CIMAP1A: variants seen among roughly 807,000 people sequenced by gnomAD.
The protein encoded by CIMAP1A is cancer/testis antigen 135.
chr11:199,764 T>C, the CIMAP1A span: 1 of 1,437,696 alleles, frequency 7.0e-7, no homozygotes, highest in Non-Finnish European at 9.1e-7. Flanking sequence ...GACCCTGCCC[T>C]TTTCCCTAGA....
the CIMAP1A span, chr11:199,925 A>T: frequency 6.2e-7 from 1 of 1,613,502 alleles, no homozygotes; most frequent in East Asian, 2.2e-5. Flanking sequence ...GGTTCCTATC[A>T]TAGCCCCTCC....
At chr11:197,373 C>T in the CIMAP1A span, 1 of 1,599,388 alleles carries the variant, frequency 6.3e-7, no homozygotes. Flanking sequence ...TGGCCCTCTA[C>T]AGCAGCCCTG....
At chr11:198,357 T>C in the CIMAP1A span, 1 of 1,613,060 alleles carries the variant, frequency 6.2e-7, no homozygotes, top group Non-Finnish European at 8.5e-7. Context: ...CTGGGTGGGG[T>C]GTGTGACATG....
At chr11:200,073 C>A in the CIMAP1A span, 3 of 1,601,930 alleles carry the variant, frequency 1.9e-6, no homozygotes, top group Non-Finnish European at 2.6e-6. Context: ...GGCATCTACA[C>A]AAGATCCGCC....
chr11:197,274 G>A, the CIMAP1A span: 3 of 1,497,928 alleles, frequency 2.0e-6, no homozygotes, highest in African/African-American at 1.4e-5. Flanking sequence ...CCAGCACCTG[G>A]TAACCCTCTC....
At chr11:197,876 C>T in the CIMAP1A span, 1 of 1,486,678 alleles carries the variant, frequency 6.7e-7, no homozygotes, top group South Asian at 1.3e-5. Flanking sequence ...CATCCTGGCC[C>T]CTCCCGTCCC....
the CIMAP1A span, chr11:198,845 G>C: frequency 7.5e-7 from 1 of 1,333,334 alleles, no homozygotes; most frequent in South Asian, 1.9e-5. Context: ...GCACTGTCTG[G>C]AGAGAGAGAG....
At chr11:198,015 C>T in the CIMAP1A span, 11 of 1,537,814 alleles carry the variant, frequency 7.2e-6, no homozygotes, top group Non-Finnish European at 8.7e-6. Flanking sequence ...CAAAAATAGC[C>T]TTTGTCTCAC....
the CIMAP1A span, chr11:199,815 C>T: frequency 6.8e-7 from 1 of 1,473,808 alleles, no homozygotes; most frequent in Non-Finnish European, 9.0e-7. Flanking sequence ...TGTGTTCAAA[C>T]CTGGGAGCAT....
chr11:197,623 A>G, the CIMAP1A span: 3 of 1,613,460 alleles, frequency 1.9e-6, no homozygotes, highest in Admixed American at 5.0e-5. Context: ...TGGGGCCCCC[A>G]TGCTCCTGGC....
chr11:197,336 G>C, the CIMAP1A span: 4 of 1,590,454 alleles, frequency 2.5e-6, no homozygotes, highest in South Asian at 4.5e-5. Context: ...GGTACCTGGA[G>C]GCCCCATCGC....
chr11:197,335 A>C, the CIMAP1A span: 1 of 1,590,056 alleles, frequency 6.3e-7, no homozygotes, highest in Non-Finnish European at 8.6e-7. Context: ...GGGTACCTGG[A>C]GGCCCCATCG....
the CIMAP1A span, chr11:200,243 A>C: frequency 1.8e-6 from 1 of 571,056 alleles, no homozygotes. Context: ...ATTATTAATA[A>C]ATCAGATTGC....
the CIMAP1A span, chr11:198,001 T>C: frequency 6.5e-7 from 1 of 1,536,564 alleles, no homozygotes; most frequent in Non-Finnish European, 8.7e-7. Flanking sequence ...CCACTCTCCC[T>C]GCTCAAAAAT....
At chr11:199,484 G>A in the CIMAP1A span, 2 of 1,559,442 alleles carry the variant, frequency 1.3e-6, no homozygotes, top group African/African-American at 1.4e-5. Context: ...CTCAAGCCAG[G>A]ACCAGGCGCC....
At chr11:199,631 G>A in the CIMAP1A span, 2 of 1,401,074 alleles carry the variant, frequency 1.4e-6, no homozygotes, top group East Asian at 2.7e-5. Context: ...GTCAGGCTAT[G>A]GAAGGACACA....
the CIMAP1A span, chr11:198,435 C>A: frequency 6.2e-7 from 1 of 1,613,214 alleles, no homozygotes; most frequent in South Asian, 1.1e-5. Flanking sequence ...GGCCCTGTTC[C>A]GGCCTGAGGC....
the CIMAP1A span, chr11:198,973 C>G: frequency 8.4e-7 from 1 of 1,189,698 alleles, no homozygotes; most frequent in East Asian, 4.7e-5. Context: ...CTGGGTGGCA[C>G]ATGCCTGAGA....
At chr11:199,574 A>G in the CIMAP1A span, 2 of 1,351,016 alleles carry the variant, frequency 1.5e-6, no homozygotes, top group Non-Finnish European at 1.9e-6. Flanking sequence ...AGGGATGTGT[A>G]GGAAAGAGCA....
Sources: allele counts gnomAD v4.1 joint callset, GRCh38; gene constraint gnomAD v4.1.1; transcripts MANE v1.5; gene names NCBI Gene and HGNC (gene_info 2026-07-23, HGNC 2026-07-21).